The following CLVS1 variants were observed in gnomAD, a reference collection of about 807,000 sequenced individuals.
The protein encoded by CLVS1 is clavesin-1.
CLVS1 carries 10 observed loss-of-function variants against 33.1 expected under a neutral mutation model. The observed-to-expected ratio is 0.30, with a 90% CI of 0.19 to 0.51. The LOEUF is 0.51. CLVS1 is among the 20% of genes least tolerant of loss of function. The pLI is 0.97. For synonymous variants in CLVS1, 163 were observed against 166.1 expected (o/e 0.98, Z 0.14); for missense variants, 343 against 433.4 (o/e 0.79, Z 1.85).
intron 2 of CLVS1, among the ~76,000 whole-genome samples, chr8:61,281,990 G>A (rs530820822): frequency 1.3e-5 from 2 of 152,250 alleles, no homozygotes; most frequent in East Asian, 1.9e-4. Flanking sequence ...TTTGAGAAAA[G>A]TGCCCATGGG....
rs79548078 is a variant in CLVS1, at chr8:61,414,602, G to A, written c.630+37823G>A. 2.3e-4 allele frequency among the ~76,000 whole-genome samples: 35 copies of A among 152,242 alleles called. No homozygotes were observed. The East Asian group carries it at 6.4e-3, about 28-fold the overall frequency. On this transcript the variant is annotated intron_variant, in intron 3 of 5. Coordinates refer to ENST00000325897, the MANE Select transcript of CLVS1 (RefSeq NM_173519.3). ...TGGCTGGGGCTGCGAGTAGGTCAGA[G>A]TCTCCCAGACTGTTATAAGGGACCA...
intron 2 of CLVS1, among the ~76,000 whole-genome samples, chr8:61,278,655 T>A (rs1274785074): frequency 6.6e-6 from 1 of 152,238 alleles, no homozygotes; most frequent in Non-Finnish European, 1.5e-5. Context: ...TAGATATAGA[T>A]ATAGATAAAA....
Position 61,430,920 on chromosome 8 carries a change from C to T in CLVS1, c.631-23221C>T, listed in dbSNP as rs148555377. 1.6e-4 allele frequency among the ~76,000 whole-genome samples: 25 copies of T among 152,226 alleles called. No individual in the cohort carries two copies. In the East Asian group the frequency reaches 1.7e-3, roughly 11 times the overall value. ...CTTCTCTTTCAGGACATGAAGATGACGGCAAGCTGGGTGAAATATGAATAA... is the reference window on the plus strand; with the variant it reads ...CTTCTCTTTCAGGACATGAAGATGATGGCAAGCTGGGTGAAATATGAATAA... On this transcript the variant is annotated intron_variant, in intron 3 of 5. Transcript: ENST00000325897.
intron 4 of CLVS1, among the ~76,000 whole-genome samples, chr8:61,457,506 G>A (rs748403278): frequency 1.3e-4 from 19 of 151,874 alleles, no homozygotes; most frequent in Non-Finnish European, 2.1e-4. Flanking sequence ...TTGGAGGTGT[G>A]CCTTCTCTCC....
At chr8:60,971,491 C>T in the CLVS1 span, among the ~76,000 whole-genome samples, 1 of 152,196 alleles carries the variant, frequency 6.6e-6, no homozygotes. Flanking sequence ...TTTTCTCTTG[C>T]CTGCATAGTG....
intron 2 of CLVS1, among the ~76,000 whole-genome samples, chr8:61,273,275 T>TG (rs1366221989): frequency 6.6e-6 from 1 of 152,106 alleles, no homozygotes; most frequent in Non-Finnish European, 1.5e-5. Context: ...CTGCCCCTGC[T>TG]GGGGGGTGCC....
chr8:61,011,412 G>A, the CLVS1 span, among the ~76,000 whole-genome samples: 1 of 151,984 alleles, frequency 6.6e-6, no homozygotes, highest in African/African-American at 2.4e-5. Context: ...CCATTTTATC[G>A]TATTGCAGGT....
intron 2 of CLVS1, among the ~76,000 whole-genome samples, chr8:61,348,144 C>T (rs1812304432): frequency 6.6e-6 from 1 of 151,954 alleles, no homozygotes; most frequent in South Asian, 2.1e-4. Flanking sequence ...CCCTGGTTTC[C>T]ACTATATTAC....
At chr8:61,091,707 A>G (rs1805252928) in intron 1 of CLVS1, among the ~76,000 whole-genome samples, 1 of 152,226 alleles carries the variant, frequency 6.6e-6, no homozygotes, top group Non-Finnish European at 1.5e-5. Context: ...CTTTTACTAA[A>G]TATCTAAACT....
Position 61,476,446 on chromosome 8 carries a change from A to G in CLVS1, c.977+17904A>G, listed in dbSNP as rs546908633. Among the ~76,000 whole-genome samples the G allele has an allele frequency of 2.6e-5, 4 of 152,234 alleles. No homozygotes were observed. The South Asian group carries it at 6.2e-4, about 24-fold the overall frequency. ...ACCCATGAGCATGGAATGTTCTTCC[A>G]TTTGTTTGTATCCTCTTTTATTTCA... On this transcript the variant is annotated intron_variant, in intron 5 of 5. Transcript: ENST00000325897.
At chr8:61,144,757 G>A (rs182150461) in intron 2 of CLVS1, among the ~76,000 whole-genome samples, 8 of 152,290 alleles carry the variant, frequency 5.3e-5, no homozygotes, top group South Asian at 2.1e-4. Flanking sequence ...TCTAACTGGC[G>A]TGAGATGGTA....
At chr8:61,328,466 C>A (rs1038029615) in intron 2 of CLVS1, among the ~76,000 whole-genome samples, 1 of 152,058 alleles carries the variant, frequency 6.6e-6, no homozygotes, top group Non-Finnish European at 1.5e-5. Context: ...TCAAGGTGGG[C>A]AGGCTGCCCT....
intron 5 of CLVS1, among the ~76,000 whole-genome samples, chr8:61,472,955 G>A (rs1194533657): frequency 1.3e-5 from 2 of 152,108 alleles, no homozygotes; most frequent in African/African-American, 4.8e-5. Context: ...TGAGTCTGTG[G>A]TCTATGAAGG....
chr8:61,167,276 C>A (rs949454341), intron 2 of CLVS1, among the ~76,000 whole-genome samples: 2 of 151,366 alleles, frequency 1.3e-5, no homozygotes, highest in African/African-American at 4.9e-5. Context: ...CTCACCGCAA[C>A]CTTCGCCTCC....
intron 2 of CLVS1, among the ~76,000 whole-genome samples, chr8:61,355,317 A>C (rs1191262568): frequency 6.6e-6 from 1 of 152,070 alleles, no homozygotes; most frequent in African/African-American, 2.4e-5. Context: ...AAATATATAA[A>C]ATTTTTATTT....
At chr8:61,221,734 G>T (rs1390371151) in intron 2 of CLVS1, among the ~76,000 whole-genome samples, 2 of 152,138 alleles carry the variant, frequency 1.3e-5, no homozygotes, top group East Asian at 1.9e-4. Flanking sequence ...CTTTTCAATT[G>T]TTTGGAATAG....
At chr8:61,152,454 T>C (rs1585646976) in intron 2 of CLVS1, among the ~76,000 whole-genome samples, 1 of 152,144 alleles carries the variant, frequency 6.6e-6, no homozygotes, top group South Asian at 2.1e-4. Context: ...GGCTGGAAAG[T>C]CCAAGATCAA....
chr8:61,380,165 A>G (rs1045300846), intron 3 of CLVS1, among the ~76,000 whole-genome samples: 14 of 152,188 alleles, frequency 9.2e-5, no homozygotes, highest in Non-Finnish European at 1.9e-4. Context: ...ATGTGATTCT[A>G]GGTACTATAG....
At chr8:61,145,585 G>T (rs1806400655) in intron 2 of CLVS1, among the ~76,000 whole-genome samples, 1 of 152,228 alleles carries the variant, frequency 6.6e-6, no homozygotes, top group Admixed American at 6.5e-5. Flanking sequence ...TGCTGCATCA[G>T]TGTCTCCAGT....
Sources: allele counts gnomAD v4.1 joint callset (sites outside exome capture counted in the v4.1 genomes callset), GRCh38; gene constraint gnomAD v4.1.1; transcripts MANE v1.5; gene names NCBI Gene and HGNC (gene_info 2026-07-23, HGNC 2026-07-21).